RALGPS1: variants seen among roughly 807,000 people sequenced by gnomAD.
The protein encoded by RALGPS1 is Ral GEF with PH domain and SH3 binding motif 1.
RALGPS1 carries 19 observed loss-of-function variants against 78.8 expected under a neutral mutation model. That is an observed-to-expected ratio of 0.24 (90% CI 0.17 to 0.35). The LOEUF is 0.35. Ranked by LOEUF, RALGPS1 falls within the 10% of genes least tolerant of loss-of-function variation. RALGPS1 has a pLI of 1.00. For synonymous variants in RALGPS1, 228 were observed against 256.3 expected (o/e 0.89, Z 1.06); for missense variants, 454 against 688.3 (o/e 0.66, Z 3.81).
intron 8 of RALGPS1, among the ~76,000 whole-genome samples, chr9:127,162,698 T>C (rs1260303085): frequency 6.6e-6 from 1 of 152,170 alleles, no homozygotes; most frequent in East Asian, 1.9e-4. Context: ...AGGGGAATTA[T>C]GAACTCTGTG....
intron 5 of RALGPS1, among the ~76,000 whole-genome samples, chr9:127,041,970 G>A (rs2047359005): frequency 6.6e-6 from 1 of 152,142 alleles, no homozygotes; most frequent in Non-Finnish European, 1.5e-5. Context: ...GTCAGGGCAG[G>A]GAGTAGATGG....
intron 4 of RALGPS1, among the ~76,000 whole-genome samples, chr9:127,020,774 G>C (rs753197719): frequency 1.3e-5 from 2 of 152,266 alleles, no homozygotes; most frequent in Non-Finnish European, 2.9e-5. Flanking sequence ...CTCTGTGGCT[G>C]AGGGTCCAGG....
rs2048408556 is a variant in RALGPS1 at position 127,052,834 on chromosome 9, A to ATCT, written c.391-11_391-9dup. 2 of 1,547,982 alleles carry ATCT rather than the reference A, an allele frequency of 1.3e-6. No individual in the cohort carries two copies. The highest frequency in any genetic ancestry group is 4.5e-5 in the East Asian group (2 of 44,548). Reference sequence around the variant, plus strand: ...ATAGCAGCAAAATAATCTATTCCATATCTTTTTTTCAGAAACTTCTAGAAC... The same window carrying ATCT: ...ATAGCAGCAAAATAATCTATTCCATATCTTCTTTTTTTCAGAAACTTCTAGAAC... On this transcript the variant is annotated splice_polypyrimidine_tract_variant and intron_variant, in intron 6 of 18. Coordinates refer to ENST00000259351, the MANE Select transcript of RALGPS1 (RefSeq NM_014636.3).
At chr9:127,066,896 TCA>T (rs2049759587) in intron 7 of RALGPS1, among the ~76,000 whole-genome samples, 1 of 152,128 alleles carries the variant, frequency 6.6e-6, no homozygotes, top group Non-Finnish European at 1.5e-5. Context: ...CACTACAGAC[TCA>T]CTACAGCCTC....
intron 1 of RALGPS1, among the ~76,000 whole-genome samples, chr9:126,940,518 C>A (rs2036673788): frequency 6.7e-6 from 1 of 148,724 alleles, no homozygotes. Flanking sequence ...TGGCTCACTG[C>A]AAGCTCTGCC....
intron 1 of RALGPS1, among the ~76,000 whole-genome samples, chr9:126,920,336 A>G (rs979596177): frequency 6.6e-6 from 1 of 152,172 alleles, no homozygotes; most frequent in Non-Finnish European, 1.5e-5. Flanking sequence ...GCTATATGCT[A>G]GGTGTAGGCT....
intron 1 of RALGPS1, among the ~76,000 whole-genome samples, chr9:126,936,990 A>G (rs2036325346): frequency 6.6e-6 from 1 of 151,996 alleles, no homozygotes; most frequent in Non-Finnish European, 1.5e-5. Flanking sequence ...AGCTGGGATT[A>G]CAGGTATGCA....
intron 4 of RALGPS1, chr9:126,990,210 CCT>C (rs1228870521): frequency 8.5e-6 from 5 of 585,814 alleles, no homozygotes; most frequent in African/African-American, 7.5e-5. Flanking sequence ...CATTAAAACC[CCT>C]CTCTCAGGTC....
intron 1 of RALGPS1, among the ~76,000 whole-genome samples, chr9:126,928,593 CT>C (rs942644817): frequency 2.4e-4 from 36 of 147,578 alleles, no homozygotes; most frequent in Non-Finnish European, 3.0e-4. Context: ...AGTGAGGATA[CT>C]TTTTTTTTTT....
At chr9:127,132,009 C>T (rs2057038004) in intron 8 of RALGPS1, among the ~76,000 whole-genome samples, 1 of 152,208 alleles carries the variant, frequency 6.6e-6, no homozygotes, top group Non-Finnish European at 1.5e-5. Context: ...GTGGGAACCA[C>T]TCCTCGAGAT....
intron 8 of RALGPS1, among the ~76,000 whole-genome samples, chr9:127,142,679 A>G (rs924930791): frequency 3.3e-5 from 5 of 152,244 alleles, no homozygotes; most frequent in Admixed American, 3.3e-4. Flanking sequence ...CACAATGATC[A>G]GCCAATTAAA....
intron 3 of RALGPS1, among the ~76,000 whole-genome samples, chr9:126,971,368 T>A (rs566185284): frequency 6.6e-6 from 1 of 150,562 alleles, no homozygotes; most frequent in African/African-American, 2.4e-5. Context: ...AAAGACATAT[T>A]TTTTTTTTTA....
chr9:127,212,580 C>A lies in RALGPS1; in HGVS notation c.1354-47C>A. 7.2e-7 allele frequency: 1 copy of A among 1,380,974 alleles called. No homozygotes were observed. Among genetic ancestry groups the A allele is most frequent in the Non-Finnish European group, 1.0e-6 (1 of 984,786 alleles). 85.5% of individuals were successfully genotyped at this position (1,380,974 alleles called of 1,614,324 possible). A position where few individuals can be genotyped will look rare whatever the true frequency, so the allele number is the denominator to read the frequency against. On this transcript the variant is annotated intron_variant, in intron 15 of 18. Transcript: ENST00000259351. The surrounding 1 kb of genome is among the most constrained non-coding windows in gnomAD (Gnocchi z 6.0). ...TCTGTAATCGGCCAGGGATCCTCTA[C>A]CCCCACGACCCCTGGTGGCATCACT...
chr9:127,054,345 A>G (rs1005803609), intron 7 of RALGPS1, among the ~76,000 whole-genome samples: 1 of 152,244 alleles, frequency 6.6e-6, no homozygotes, highest in Non-Finnish European at 1.5e-5. Flanking sequence ...GTGAGGACCC[A>G]GCAGGATGAT....
In RALGPS1 at chr9:127,183,831, A is replaced by G. The variant is rs1285176599; in HGVS notation, c.910+9049A>G. On this transcript the variant is annotated intron_variant, in intron 11 of 18. Coordinates refer to ENST00000259351, the MANE Select transcript of RALGPS1 (RefSeq NM_014636.3). This position sits in a 1 kb window ranked among gnomAD's most constrained non-coding sequence, Gnocchi z 4.0. ...AGGGATAGGAGGCCAGTTGTGGCCCATTACTCTGGGATTTCACATCTCCTT... is the reference window on the plus strand; with the variant it reads ...AGGGATAGGAGGCCAGTTGTGGCCCGTTACTCTGGGATTTCACATCTCCTT... The G allele has an allele frequency of 3.3e-6, 5 of 1,527,446 alleles. No homozygotes were observed. The highest frequency in any genetic ancestry group is 4.4e-6 in the Non-Finnish European group (5 of 1,135,460). The allele number at this position is 1,527,446 out of a possible 1,614,324, so 94.6% of individuals were successfully genotyped here.
chr9:127,047,638 G>A (rs1331538632), intron 5 of RALGPS1, among the ~76,000 whole-genome samples: 1 of 151,626 alleles, frequency 6.6e-6, no homozygotes, highest in Non-Finnish European at 1.5e-5. Context: ...GGCGGAGGTT[G>A]CAGTGAGCAG....
intron 3 of RALGPS1, among the ~76,000 whole-genome samples, chr9:126,973,966 G>C (rs1390545531): frequency 6.6e-6 from 1 of 152,128 alleles, no homozygotes; most frequent in African/African-American, 2.4e-5. Context: ...CACTCCTCTC[G>C]GGTTCAAGCA....
chr9:127,175,281 C>T (rs376343824), intron 11 of RALGPS1, among the ~76,000 whole-genome samples: 69 of 152,342 alleles, frequency 4.5e-4, no homozygotes, highest in Non-Finnish European at 6.8e-4. Context: ...CAAGCCCGAG[C>T]TCCGCTGTTT....
At chr9:127,158,258 T>C (rs754240504) in intron 8 of RALGPS1, among the ~76,000 whole-genome samples, 10 of 152,102 alleles carry the variant, frequency 6.6e-5, no homozygotes, top group Non-Finnish European at 1.2e-4. Flanking sequence ...CAAAAGTAAT[T>C]GCAGTTTCTG....
Sources: allele counts gnomAD v4.1 joint callset (sites outside exome capture counted in the v4.1 genomes callset), GRCh38; gene constraint gnomAD v4.1.1; non-coding constraint Gnocchi (gnomAD v3.1); transcripts MANE v1.5; gene names NCBI Gene and HGNC (gene_info 2026-07-23, HGNC 2026-07-21).